The following AP3M1 variants were observed in gnomAD, a reference collection of about 807,000 sequenced individuals.
AP3M1 encodes AP-3 complex subunit mu-1.
In AP3M1, 29 loss-of-function variants were observed where a neutral mutation model predicts 42.6. That is an observed-to-expected ratio of 0.68 (90% CI 0.51 to 0.93). The LOEUF is 0.93. Ranked by LOEUF, AP3M1 falls within the 40% of genes least tolerant of loss-of-function variation. The pLI, the probability that AP3M1 is intolerant of heterozygous loss-of-function variation, is 0.00. For missense variants in AP3M1, 416 were observed against 510.2 expected (o/e 0.82, Z 1.78); for synonymous variants, 178 against 175.3 (o/e 1.02, Z -0.12).
At chr10:74,137,380 CA>C (rs1840981562) in intron 2 of AP3M1, among the ~76,000 whole-genome samples, 1 of 152,206 alleles carries the variant, frequency 6.6e-6, no homozygotes, top group South Asian at 2.1e-4. Context: ...AGTATTGAAA[CA>C]TTAAATTGGA....
At chr10:74,147,009 C>T (rs1207852971) in intron 1 of AP3M1, among the ~76,000 whole-genome samples, 2 of 152,044 alleles carry the variant, frequency 1.3e-5, no homozygotes, top group Non-Finnish European at 2.9e-5. Flanking sequence ...GTCAGCTGGG[C>T]GTGGTGCTCA....
At position 74,122,928 on chromosome 10, in the gene AP3M1, A is replaced by G. The variant is rs1488950586; in HGVS notation, c.*882T>C. On this transcript the variant is annotated 3_prime_UTR_variant, in exon 9 of 9. Transcript: ENST00000355264. ...GTGTTGGGTAAGCTTTATATTATAAAACATGAAGATGGCAAAGGTTTCACT... is the reference window on the plus strand; with the variant it reads ...GTGTTGGGTAAGCTTTATATTATAAGACATGAAGATGGCAAAGGTTTCACT... 3 of 152,418 alleles carry G rather than the reference A, an allele frequency of 2.0e-5. No individual in the cohort carries two copies. The highest frequency in any genetic ancestry group is 4.4e-5 in the Non-Finnish European group (3 of 68,044). The allele number at this position is 152,418 out of a possible 1,614,324, so 9.4% of individuals were successfully genotyped here.
intron 2 of AP3M1, 36 bp from the exon 3 acceptor site, chr10:74,136,839 G>A (rs1840963675): frequency 7.7e-6 from 11 of 1,427,302 alleles, no homozygotes; most frequent in Non-Finnish European, 8.4e-6. Context: ...CACAATGGAA[G>A]GCAAAAAGAA....
chr10:74,147,749 C>G (rs1841376640), intron 1 of AP3M1, among the ~76,000 whole-genome samples: 1 of 152,024 alleles, frequency 6.6e-6, no homozygotes, highest in Admixed American at 6.6e-5. Context: ...ACCTGTAATC[C>G]CAGCACTTTG....
chr10:74,148,911 T>G (rs1241835407), intron 1 of AP3M1, among the ~76,000 whole-genome samples: 1 of 151,296 alleles, frequency 6.6e-6, no homozygotes, highest in Non-Finnish European at 1.5e-5. Flanking sequence ...TCTTACTCTA[T>G]TGCCAGGCTG....
intron 1 of AP3M1, among the ~76,000 whole-genome samples, chr10:74,148,145 A>G (rs1238285013): frequency 6.6e-6 from 1 of 152,208 alleles, no homozygotes; most frequent in African/African-American, 2.4e-5. Context: ...GGATGAAAAG[A>G]CAGGAAAATA....
In AP3M1 at chr10:74,129,938, G is replaced by C. The variant is rs755590356; in HGVS notation, c.638C>G (p.Ser213Cys). The C allele has an allele frequency of 2.5e-6, 4 of 1,613,482 alleles. No homozygotes were observed. Among genetic ancestry groups the C allele is most frequent in the Non-Finnish European group, 3.4e-6 (4 of 1,179,708 alleles). ...AGAAAGGGAGAGATCAGGCATTCCA[G>C]ATAGTTTAATGCAAGCATCAATGAC... ...QGVIDACIKL[S>C]GMPDLSLSFM... The change falls in exon 5 of 9, where the codon TCT becomes TGT. Residue 213 changes from serine (S) to cysteine (C), a missense_variant. Transcript: ENST00000355264.
Position 74,123,857 on chromosome 10 carries a change from C to G in AP3M1, c.1210G>C (p.Gly404Arg). The change falls in exon 9 of 9, where the codon GGA (glycine) becomes CGA (arginine). Residue 404 changes from glycine to arginine, a missense_variant. By Grantham distance (125) the Gly-to-Arg change is moderately radical. Coordinates refer to ENST00000355264, the MANE Select transcript of AP3M1 (RefSeq NM_012095.6). ...MYGEKYKPFK[G>R]VKYVTKAGKF... ...CCAGCTTTCGTGACGTATTTGACTC[C>G]TTTAAATGGCTTATATTTCTCCCCA... The G allele has an allele frequency of 6.2e-7, 1 of 1,614,116 alleles. No individual in the cohort carries two copies. Among genetic ancestry groups the G allele is most frequent in the Non-Finnish European group, 8.5e-7 (1 of 1,180,002 alleles).
At chr10:74,130,194 A>T (rs1840741653) in intron 4 of AP3M1, among the ~76,000 whole-genome samples, 1 of 152,000 alleles carries the variant, frequency 6.6e-6, no homozygotes, top group Non-Finnish European at 1.5e-5. Context: ...CTAGCCTCCC[A>T]AATAGCTGGG....
intron 1 of AP3M1, among the ~76,000 whole-genome samples, chr10:74,139,361 C>G (rs1274991215): frequency 1.3e-5 from 2 of 151,860 alleles, no homozygotes; most frequent in African/African-American, 2.4e-5. Flanking sequence ...TGCCTATAAA[C>G]CCAGCACTGT....
At position 74,123,058 on chromosome 10, in the gene AP3M1, A is replaced by C. The variant is rs958768639; in HGVS notation, c.*752T>G. 3 of 152,660 alleles carry C rather than the reference A, an allele frequency of 2.0e-5. No individual in the cohort carries two copies. Among genetic ancestry groups the C allele is most frequent in the South Asian group, 2.1e-4 (1 of 4,832 alleles). The allele number at this position is 152,660 out of a possible 1,614,324, so 9.5% of individuals were successfully genotyped here. ...ATGTTCCCTTTTACTACCTTAATAAAGCATTTGCCCCTTTGATACAAATGA... is the reference window on the plus strand; with the variant it reads ...ATGTTCCCTTTTACTACCTTAATAACGCATTTGCCCCTTTGATACAAATGA... On this transcript the variant is annotated 3_prime_UTR_variant, in exon 9 of 9. Transcript: ENST00000355264.
intron 4 of AP3M1, among the ~76,000 whole-genome samples, chr10:74,133,185 A>C (rs1278864479): frequency 6.6e-6 from 1 of 152,176 alleles, no homozygotes; most frequent in South Asian, 2.1e-4. Flanking sequence ...ACCTAAGTTC[A>C]GGAGTTCGAG....
chr10:74,134,615 C>G (rs1428450928), intron 3 of AP3M1, among the ~76,000 whole-genome samples: 1 of 152,214 alleles, frequency 6.6e-6, no homozygotes, highest in Non-Finnish European at 1.5e-5. Context: ...TAAATGGAAT[C>G]TGGCCTTTTC....
chr10:74,147,648 T>G (rs1424273286), intron 1 of AP3M1, among the ~76,000 whole-genome samples: 1 of 152,232 alleles, frequency 6.6e-6, no homozygotes, highest in Non-Finnish European at 1.5e-5. Context: ...GAAGCAGTTT[T>G]TATCTGCTTT....
chr10:74,148,934 G>A (rs1290504960), intron 1 of AP3M1, among the ~76,000 whole-genome samples: 7 of 151,166 alleles, frequency 4.6e-5, no homozygotes, highest in East Asian at 3.9e-4. Flanking sequence ...GTGCAGTGGC[G>A]CAATCTCAGC....
At position 74,138,288 on chromosome 10, in the gene AP3M1, T is replaced by C; in HGVS notation, c.92A>G (p.Tyr31Cys). The C allele has an allele frequency of 6.2e-7, 1 of 1,613,798 alleles. No individual in the cohort carries two copies. Among genetic ancestry groups the C allele is most frequent in the Non-Finnish European group, 8.5e-7 (1 of 1,179,916 alleles). ...AGCTTTCTCTTGAGCTTCAAAGAAA[T>C]AATCACAGACAGACTGGCTCACAAC... ...KSVVSQSVCD[Y>C]FFEAQEKAAD... Residue 31 changes from tyrosine (Y) to cysteine (C), a missense_variant, in exon 2 of 9, where the codon TAT (tyrosine) becomes TGT (cysteine). Tyr to Cys is a radical substitution (Grantham distance 194, BLOSUM62 -2). Coordinates refer to ENST00000355264, the MANE Select transcript of AP3M1 (RefSeq NM_012095.6).
At chr10:74,129,003 G>A in intron 6 of AP3M1, 105 bp downstream of exon 6, 1 of 1,377,070 alleles carries the variant, frequency 7.3e-7, no homozygotes, top group Non-Finnish European at 1.0e-6. Context: ...TATGGTTAAA[G>A]TGAGCAGTGA....
chr10:74,129,291 A>T, intron 5 of AP3M1, 50 bp from the exon 6 acceptor site: 1 of 1,587,006 alleles, frequency 6.3e-7, no homozygotes, highest in African/African-American at 1.4e-5. Flanking sequence ...TGAATATGGG[A>T]ACTGTACTCA....
chr10:74,140,285 C>T lies in AP3M1; in HGVS notation c.-3-1903G>A, dbSNP rs918283577. On this transcript the variant is annotated intron_variant, in intron 1 of 8. Transcript: ENST00000355264. ...GCCCAAGCCCCACGTCCTCGTCTGCCTTGGGGCGCTCCTGGCCAGCTGGTC... is the reference window on the plus strand; with the variant it reads ...GCCCAAGCCCCACGTCCTCGTCTGCTTTGGGGCGCTCCTGGCCAGCTGGTC... 6.6e-5 allele frequency among the ~76,000 whole-genome samples: 10 copies of T among 152,364 alleles called. No individual in the cohort carries two copies. The South Asian group carries it at 1.9e-3, about 28-fold the overall frequency.
Sources: gnomAD v4.1 joint callset for allele counts (sites outside exome capture counted in the v4.1 genomes callset) on GRCh38, gnomAD v4.1.1 for gene constraint, MANE v1.5 for transcripts, NCBI Gene and HGNC (gene_info 2026-07-23, HGNC 2026-07-21) for gene names.